The following DCAF10 variants were observed in gnomAD, a reference collection of about 807,000 sequenced individuals.
DCAF10 encodes the protein DDB1 and CUL4 associated factor 10.
In DCAF10, 19 loss-of-function variants were observed where a neutral mutation model predicts 51.9. The ratio of observed to expected loss-of-function variants is 0.37; its 90% CI spans 0.26 to 0.54. The LOEUF (loss-of-function observed/expected upper bound fraction) is 0.54. DCAF10 is among the 20% of genes least tolerant of loss of function. The pLI is 0.87. For missense variants in DCAF10, 510 were observed against 730.6 expected, an observed-to-expected ratio of 0.70 and a Z score of 3.48; for synonymous variants, 291 against 297.1, an observed-to-expected ratio of 0.98 and a Z score of 0.21.
rs922817157 is a variant in DCAF10, at chr9:37,864,684, T to C, written c.*3176T>C. The C allele has an allele frequency of 2.6e-5, 4 of 152,202 alleles. No homozygotes were observed. Among genetic ancestry groups the C allele is most frequent in the East Asian group, 1.9e-4 (1 of 5,206 alleles). The allele number at this position is 152,202 out of a possible 1,614,324, so 9.4% of individuals were successfully genotyped here. ...ATACCTACCAAGTACTGTGGTCATA[T>C]TGACATTCAAAAGAAGTTTCATAAA... is the stretch of plus-strand genomic sequence containing the variant. On this transcript the variant is annotated 3_prime_UTR_variant, in exon 7 of 7. Coordinates refer to ENST00000377724, the MANE Select transcript of DCAF10 (RefSeq NM_024345.5).
At chr9:37,818,053 C>T (rs1829595744) in intron 1 of DCAF10, among the ~76,000 whole-genome samples, 2 of 151,704 alleles carry the variant, frequency 1.3e-5, no homozygotes, top group Admixed American at 6.6e-5. Context: ...AGTGCAGTAG[C>T]GTGATCTTGG....
intron 1 of DCAF10, among the ~76,000 whole-genome samples, chr9:37,815,975 G>A (rs551091823): frequency 5.3e-5 from 8 of 152,182 alleles, no homozygotes; most frequent in East Asian, 1.9e-4. Flanking sequence ...TAAATTTTTT[G>A]TAGAGACAAG....
intron 1 of DCAF10, among the ~76,000 whole-genome samples, chr9:37,802,545 G>GA (rs908621074): frequency 8.6e-5 from 13 of 151,682 alleles, no homozygotes; most frequent in East Asian, 5.8e-4. Context: ...TACAGGAGGT[G>GA]AAAAAAAATA....
At chr9:37,851,206 T>C (rs1830640809) in intron 3 of DCAF10, among the ~76,000 whole-genome samples, 1 of 151,774 alleles carries the variant, frequency 6.6e-6, no homozygotes, top group African/African-American at 2.4e-5. Flanking sequence ...ATTGTGCCAC[T>C]GCACTCCAGC....
At chr9:37,820,118 T>C (rs2119058125) in intron 2 of DCAF10, among the ~76,000 whole-genome samples, 1 of 152,352 alleles carries the variant, frequency 6.6e-6, no homozygotes, top group East Asian at 1.9e-4. Flanking sequence ...ACTTTTATAA[T>C]TATTACTTTT....
intron 3 of DCAF10, among the ~76,000 whole-genome samples, chr9:37,843,575 G>A (rs1314974830): frequency 1.3e-5 from 2 of 152,010 alleles, no homozygotes; most frequent in African/African-American, 4.8e-5. Flanking sequence ...GCAGAGAAGG[G>A]AAGGAAAAAA....
rs1274434085 is a variant in DCAF10, at chr9:37,854,788, A to T, written c.860A>T (p.Glu287Val). 2 of 1,613,572 alleles carry T rather than the reference A, an allele frequency of 1.2e-6. No homozygotes were observed. Among genetic ancestry groups the T allele is most frequent in the South Asian group, 1.1e-5 (1 of 91,042 alleles). The change falls in exon 4 of 7, where the codon GAA becomes GTA. Residue 287 changes from glutamate to valine, a missense_variant. This residue lies in a region of DCAF10 where 126 missense variants were observed against 271.5 expected (regional missense o/e 0.46). Coordinates refer to ENST00000377724, the MANE Select transcript of DCAF10 (RefSeq NM_024345.5). ...CTTGGTTTCTCCTGTAGGTATACAG[A>T]AGATGGGTGTCCACATAAGAAATTC... Reference protein sequence around the residue: ...VIIWDTNRYTEDGCPHKKFFH... With the variant: ...VIIWDTNRYTVDGCPHKKFFH...
intron 2 of DCAF10, among the ~76,000 whole-genome samples, chr9:37,832,302 AC>A (rs1830032028): frequency 7.1e-6 from 1 of 140,440 alleles, no homozygotes; most frequent in South Asian, 2.3e-4. Context: ...TACTAAAAAT[AC>A]AAAAATTAGT....
intron 6 of DCAF10, chr9:37,860,504 CA>C: frequency 4.3e-6 from 1 of 234,574 alleles, no homozygotes; most frequent in Non-Finnish European, 8.3e-6. Flanking sequence ...AACAAACAAA[CA>C]AACAAACAAA....
intron 4 of DCAF10, 53 bp downstream of exon 4, chr9:37,855,035 G>T: frequency 6.7e-7 from 1 of 1,500,238 alleles, no homozygotes; most frequent in South Asian, 1.3e-5. Context: ...CTCAAACATA[G>T]AGATGGTATA....
intron 3 of DCAF10, among the ~76,000 whole-genome samples, chr9:37,849,296 C>T (rs1338290757): frequency 6.6e-6 from 1 of 152,104 alleles, no homozygotes; most frequent in Non-Finnish European, 1.5e-5. Flanking sequence ...GAAGAAAACA[C>T]TATTATTCAC....
At position 37,857,681 on chromosome 9, in the gene DCAF10, GTATAAA is replaced by G. The variant is rs140240088; in HGVS notation, c.1165+336_1165+341del. 6.9e-3 allele frequency among the ~76,000 whole-genome samples: 1,048 copies of G among 152,304 alleles called. 15 individuals are homozygous for G. The highest frequency in any genetic ancestry group is 0.024 in the African/African-American group (1,003 of 41,560). On this transcript the variant is annotated intron_variant, in intron 5 of 6. Coordinates refer to ENST00000377724, the MANE Select transcript of DCAF10 (RefSeq NM_024345.5). Reference sequence around the variant, plus strand: ...GTGAGATTATGCACGTGAAAGCTCTGTATAAATATAAGTCATGAATTTTCAGGTAAT... The same window carrying G: ...GTGAGATTATGCACGTGAAAGCTCTGTATAAGTCATGAATTTTCAGGTAAT...
intron 1 of DCAF10, among the ~76,000 whole-genome samples, chr9:37,805,343 G>A (rs565797500): frequency 5.7e-4 from 86 of 152,208 alleles, no homozygotes; most frequent in African/African-American, 2.0e-3. Flanking sequence ...AATTAGCCTG[G>A]TGTGGTGGCA....
chr9:37,801,534 G>C lies in DCAF10; in HGVS notation c.539+129G>C, dbSNP rs1159529484. The C allele has an allele frequency of 1.8e-6, 2 of 1,135,186 alleles. No homozygotes were observed. Among genetic ancestry groups the C allele is most frequent in the Non-Finnish European group, 1.1e-6 (1 of 869,616 alleles). 70.3% of individuals were successfully genotyped at this position (1,135,186 alleles called of 1,614,324 possible). On this transcript the variant is annotated intron_variant, in intron 1 of 6. Transcript: ENST00000377724. The surrounding 1 kb of genome is among the most constrained non-coding windows in gnomAD (Gnocchi z 5.5). ...AGGCCGTTTGGGGCCGCTGGCCTTC[G>C]TGCCTCCTGGCACTTTCTGAAGCGC...
At chr9:37,836,024 A>C (rs1002050045) in intron 2 of DCAF10, 31 of 1,042,686 alleles carry the variant, frequency 3.0e-5, no homozygotes, top group Non-Finnish European at 4.4e-5. Context: ...ACGGCCCCAA[A>C]CGCCGTCCGC....
intron 1 of DCAF10, among the ~76,000 whole-genome samples, chr9:37,802,228 G>C (rs2119005168): frequency 6.6e-6 from 1 of 152,302 alleles, no homozygotes; most frequent in African/African-American, 2.4e-5. Context: ...TCCAAATGCA[G>C]GAGTAACCAT....
At chr9:37,850,826 TTATATATATATATATATA>T (rs71494679) in intron 3 of DCAF10, among the ~76,000 whole-genome samples, 800 of 45,798 alleles carry the variant, frequency 0.017, 8 homozygotes, top group African/African-American at 0.031. Context: ...AGGATATATT[TTATATATATATATATATA>T]TATATATATA....
intron 2 of DCAF10, among the ~76,000 whole-genome samples, chr9:37,822,353 C>T (rs554612855): frequency 3.5e-5 from 5 of 143,388 alleles, no homozygotes; most frequent in East Asian, 2.0e-4. Context: ...ATAGCCAAAT[C>T]GTGGAACCAA....
At chr9:37,846,691 A>G (rs13288259) in intron 3 of DCAF10, among the ~76,000 whole-genome samples, 24,942 of 151,890 alleles carry the variant, frequency 0.16, 2,161 homozygotes, top group East Asian at 0.34. Flanking sequence ...TCCTGACCTC[A>G]GTGATCTGCC....
Sources: allele counts gnomAD v4.1 joint callset (sites outside exome capture counted in the v4.1 genomes callset), GRCh38; gene constraint gnomAD v4.1.1; regional missense constraint gnomAD v4.1.1; non-coding constraint Gnocchi (gnomAD v3.1); transcripts MANE v1.5; gene names NCBI Gene and HGNC (gene_info 2026-07-23, HGNC 2026-07-21).